CEP350: variants seen among roughly 807,000 people sequenced by gnomAD.
The protein encoded by CEP350 is centrosome-associated protein 350.
A neutral mutation model predicts 331.8 loss-of-function variants in CEP350; 126 were observed. The ratio of observed to expected loss-of-function variants is 0.38; its 90% CI spans 0.33 to 0.44. CEP350 has a LOEUF of 0.44. Ranked by LOEUF, CEP350 falls within the 20% of genes least tolerant of loss-of-function variation. The pLI, the probability that CEP350 is intolerant of heterozygous loss-of-function variation, is 1.00. For missense variants in CEP350, 3,406 were observed against 3,634.6 expected (o/e 0.94, Z 1.62); for synonymous variants, 1,200 against 1,259.5 (o/e 0.95, Z 1.00).
chr1:179,974,918 G>A (rs1173786217), intron 1 of CEP350, among the ~76,000 whole-genome samples: 2 of 152,042 alleles, frequency 1.3e-5, no homozygotes, highest in Non-Finnish European at 2.9e-5. Context: ...TTGAGCCCAC[G>A]AGTTTCAGGC....
At position 180,014,123 on chromosome 1, in the gene CEP350, C is replaced by A; in HGVS notation, c.1670C>A (p.Ser557Ter). 1 of 1,610,470 alleles carries A rather than the reference C, an allele frequency of 6.2e-7. No homozygotes were observed. Among genetic ancestry groups the A allele is most frequent in the South Asian group, 1.1e-5 (1 of 90,338 alleles). ...DTVELQNQKSSAPVHAPRSHS... is the reference protein window; with the variant it reads ...DTVELQNQKS ...GTAGAGTTACAGAACCAGAAGTCAT[C>A]AGCACCAGTACATGCTCCTAGGAGT... The change falls in exon 10 of 38, where the codon TCA becomes TAA. Residue 557 changes from serine (S) to a stop codon, truncating the protein, a stop_gained. Transcript: ENST00000367607. LOFTEE classifies it high-confidence loss of function.
chr1:180,003,180 AC>A lies in CEP350; in HGVS notation c.1028del (p.Pro343LeufsTer22). ...TGTTACTGGTATGTATTAGGTTTCA[AC>A]CCTTCAGAGACCAAGATTCGAACAC... ...APPAPAYKGF[N>X]PSETKIRTPD... On this transcript the variant is annotated frameshift_variant, in exon 7 of 38. Transcript: ENST00000367607. LOFTEE classifies it high-confidence loss of function. The A allele has an allele frequency of 1.2e-6, 2 of 1,609,686 alleles. No individual in the cohort carries two copies. Among genetic ancestry groups the A allele is most frequent in the Non-Finnish European group, 1.7e-6 (2 of 1,177,224 alleles).
At position 180,096,088 on chromosome 1, in the gene CEP350, T is replaced by A; in HGVS notation, c.8970T>A (p.Asp2990Glu). The A allele has an allele frequency of 1.3e-6, 2 of 1,556,036 alleles. No homozygotes were observed. The highest frequency in any genetic ancestry group is 1.7e-6 in the Non-Finnish European group (2 of 1,148,664). ...TTTTTGAGGAAATATTTGCTGAGGA[T>A]CCCAACTTAAATCAACCTGTCTGGA... Reference protein sequence around the residue: ...KEIFEEIFAEDPNLNQPVWMK... With the variant: ...KEIFEEIFAEEPNLNQPVWMK... The change falls in exon 36 of 38, where the codon GAT becomes GAA. Residue 2990 changes from aspartate to glutamate, a missense_variant. By Grantham distance (45) the Asp-to-Glu change is conservative (BLOSUM62 2). Transcript: ENST00000367607.
In CEP350 at chr1:180,114,365, A is replaced by C. The variant is rs1002693489; in HGVS notation, c.*3204A>C. On this transcript the variant is annotated 3_prime_UTR_variant, in exon 38 of 38. Coordinates refer to ENST00000367607, the MANE Select transcript of CEP350 (RefSeq NM_014810.5). ...TGAATAAAACATTAATTCAAAGAGC[A>C]AATTATAGAAACTACAATGACATTT... The C allele has an allele frequency of 1.3e-5, 2 of 152,670 alleles. No homozygotes were observed. Among genetic ancestry groups the C allele is most frequent in the African/African-American group, 4.8e-5 (2 of 41,466 alleles). The allele number at this position is 152,670 out of a possible 1,614,324, so 9.5% of individuals were successfully genotyped here.
At chr1:180,054,632 T>A in intron 25 of CEP350, 130 bp downstream of exon 25, 3 of 662,434 alleles carry the variant, frequency 4.5e-6, no homozygotes, top group Admixed American at 4.9e-5. Flanking sequence ...CCACTGTTTA[T>A]GTTCATACTA....
At chr1:179,985,373 A>G (rs1652577262) in intron 1 of CEP350, among the ~76,000 whole-genome samples, 1 of 152,128 alleles carries the variant, frequency 6.6e-6, no homozygotes, top group Non-Finnish European at 1.5e-5. Flanking sequence ...TTATATATAA[A>G]TGTCATTTTG....
chr1:180,113,842 T>C lies in CEP350; in HGVS notation c.*2681T>C, dbSNP rs770094690. 1 of 152,624 alleles carries C rather than the reference T, an allele frequency of 6.6e-6. No homozygotes were observed. Among genetic ancestry groups the C allele is most frequent in the Non-Finnish European group, 1.5e-5 (1 of 68,040 alleles). 9.5% of individuals were successfully genotyped at this position (152,624 alleles called of 1,614,324 possible). ...AAATATCTTTGCATCAGCAGTAATA[T>C]CTTTTAGAATAGCACTATCAGAATT... On this transcript the variant is annotated 3_prime_UTR_variant, in exon 38 of 38. Coordinates refer to ENST00000367607, the MANE Select transcript of CEP350 (RefSeq NM_014810.5).
chr1:180,082,839 CA>C (rs966508499), intron 30 of CEP350, among the ~76,000 whole-genome samples: 56 of 152,096 alleles, frequency 3.7e-4, no homozygotes, highest in Non-Finnish European at 5.9e-4. Flanking sequence ...TAGTGGTGTA[CA>C]AAATCTTACC....
At chr1:179,991,652 T>C (rs12132694) in intron 4 of CEP350, among the ~76,000 whole-genome samples, 17,285 of 141,952 alleles carry the variant, frequency 0.12, 1,147 homozygotes, top group South Asian at 0.17. Context: ...TAAACTGTGA[T>C]ATGTATATAT....
At chr1:180,091,954 A>C (rs1315209989) in intron 33 of CEP350, among the ~76,000 whole-genome samples, 1 of 151,792 alleles carries the variant, frequency 6.6e-6, no homozygotes, top group Admixed American at 6.6e-5. Flanking sequence ...TAGGAGGCTG[A>C]GGCTAAGGAT....
intron 1 of CEP350, among the ~76,000 whole-genome samples, chr1:179,958,848 T>C (rs935029922): frequency 1.3e-5 from 2 of 152,170 alleles, no homozygotes; most frequent in Non-Finnish European, 1.5e-5. Context: ...TAGAATATGA[T>C]TTATTTAAAA....
At position 180,003,161 on chromosome 1, in the gene CEP350, TGG is replaced by T. The variant is rs760160591; in HGVS notation, c.1019-12_1019-11del. The T allele has an allele frequency of 1.3e-6, 2 of 1,525,146 alleles. No homozygotes were observed. Among genetic ancestry groups the T allele is most frequent in the Middle Eastern group, 3.4e-4 (2 of 5,818 alleles). The allele number at this position is 1,525,146 out of a possible 1,614,324, so 94.5% of individuals were successfully genotyped here. On this transcript the variant is annotated splice_polypyrimidine_tract_variant and intron_variant, in intron 6 of 37. Coordinates refer to ENST00000367607, the MANE Select transcript of CEP350 (RefSeq NM_014810.5). ...CTTTGATAAGAATATTCTGTGTTACTGGTATGTATTAGGTTTCAACCCTTCAG... is the reference window on the plus strand; with the variant it reads ...CTTTGATAAGAATATTCTGTGTTACTTATGTATTAGGTTTCAACCCTTCAG...
chr1:180,021,033 T>C, intron 12 of CEP350, 24 bp downstream of exon 12: 3 of 1,452,024 alleles, frequency 2.1e-6, no homozygotes, highest in Non-Finnish European at 2.7e-6. Flanking sequence ...ATATAGCTTG[T>C]ACTGTTTGTA....
At chr1:180,037,159 T>A in intron 17 of CEP350, 70 bp downstream of exon 17, 1 of 1,339,598 alleles carries the variant, frequency 7.5e-7, no homozygotes, top group Non-Finnish European at 9.9e-7. Flanking sequence ...GTCTTAATGA[T>A]GACTTAAACT....
intron 4 of CEP350, 35 bp from the exon 5 acceptor site, chr1:179,992,027 T>C: frequency 1.3e-6 from 2 of 1,492,612 alleles, no homozygotes; most frequent in South Asian, 1.4e-5. Flanking sequence ...TTGTATTTTA[T>C]ATTATATGTT....
intron 22 of CEP350, among the ~76,000 whole-genome samples, chr1:180,049,656 G>C (rs1657358130): frequency 6.6e-6 from 1 of 150,654 alleles, no homozygotes; most frequent in Non-Finnish European, 1.5e-5. Flanking sequence ...TGATTCTCCT[G>C]CCTCAGCCTC....
chr1:179,956,943 A>T lies in CEP350; in HGVS notation c.-14+1801A>T, dbSNP rs1650211621. Among the ~76,000 whole-genome samples the T allele has an allele frequency of 3.9e-5, 6 of 152,192 alleles. No homozygotes were observed. The South Asian group carries it at 1.0e-3, about 26-fold the overall frequency. On this transcript the variant is annotated intron_variant, in intron 1 of 37. Transcript: ENST00000367607. ...TGGTGTTATTTTAAAATATTAAAAA[A>T]TTATTCTATTTTTGTTCCTTTTTAC... is the stretch of plus-strand genomic sequence containing the variant.
chr1:180,057,161 C>T (rs1441993700), intron 25 of CEP350, among the ~76,000 whole-genome samples: 4 of 150,062 alleles, frequency 2.7e-5, no homozygotes, highest in South Asian at 2.1e-4. Context: ...TGCAATGGCG[C>T]GATCTTGGCT....
In CEP350 at chr1:180,111,143, G is replaced by T; in HGVS notation, c.9336G>T (p.Gly3112=). The change falls in exon 38 of 38, where the codon GGG becomes GGT. Residue 3112 remains glycine, a synonymous_variant. Transcript: ENST00000367607. Reference sequence around the variant, plus strand: ...TGAATCAGATCAGTGAAAAGCAGGGGAGAATGCTACTTGTGTGACATCTTG... The same window carrying T: ...TGAATCAGATCAGTGAAAAGCAGGGTAGAATGCTACTTGTGTGACATCTTG... ...DVLNQISEKQ[G]RMLLV is the part of the protein sequence containing the mutation. The T allele has an allele frequency of 6.2e-7, 1 of 1,613,930 alleles. No homozygotes were observed. Among genetic ancestry groups the T allele is most frequent in the South Asian group, 1.1e-5 (1 of 91,074 alleles).
Sources: allele counts gnomAD v4.1 joint callset (sites outside exome capture counted in the v4.1 genomes callset), GRCh38; gene constraint gnomAD v4.1.1; transcripts MANE v1.5; gene names NCBI Gene and HGNC (gene_info 2026-07-23, HGNC 2026-07-21).